IL17RC: variants seen among roughly 807,000 people sequenced by gnomAD.
IL17RC encodes the protein interleukin 17 receptor C, also known as interleukin-17 receptor C.
IL17RC carries 53 observed loss-of-function variants against 86.7 expected under a neutral mutation model. The observed-to-expected ratio is 0.61, with a 90% CI of 0.49 to 0.77. The LOEUF is 0.77. Among genes scored for constraint, IL17RC ranks in the 30% least tolerant of loss-of-function variants. The pLI, the probability that IL17RC is intolerant of heterozygous loss-of-function variation, is 0.00. For missense variants in IL17RC, 957 were observed against 940.0 expected (o/e 1.02, Z -0.24); for synonymous variants, 439 against 413.1 (o/e 1.06, Z -0.76).
chr3:9,932,545 A>T, intron 16 of IL17RC, 63 bp from the exon 17 acceptor site: 1 of 1,431,028 alleles, frequency 7.0e-7, no homozygotes, highest in Non-Finnish European at 9.9e-7. Context: ...CATTTCTGTT[A>T]AGTCTCAGTT....
chr3:9,930,833 G>A lies in IL17RC; in HGVS notation c.1339-62G>A, dbSNP rs933246578. The stretch of plus-strand genomic sequence containing the variant: ...GGAATTTGGAGATCAGGCCACCAGA[G>A]CTTGGTGAATATTGGAACACCTGGC... On this transcript the variant is annotated intron_variant, in intron 15 of 18. Transcript: ENST00000403601. The surrounding 1 kb of genome is among the most constrained non-coding windows in gnomAD (Gnocchi z 5.8). The A allele has an allele frequency of 1.3e-5, 19 of 1,437,196 alleles. 1 individual carries two copies. In the South Asian group the frequency reaches 2.1e-4, roughly 16 times the overall value. 89.0% of individuals were successfully genotyped at this position (1,437,196 alleles called of 1,614,324 possible).
chr3:9,917,651 G>A (rs2083201273), intron 1 of IL17RC, 62 bp from the exon 2 acceptor site: 3 of 1,614,002 alleles, frequency 1.9e-6, no homozygotes, highest in Non-Finnish European at 2.5e-6. Context: ...GAGGTCTTAG[G>A]CAGAGAACAG....
At position 9,930,095 on chromosome 3, in the gene IL17RC, C is replaced by A; in HGVS notation, c.1224C>A (p.Ser408=). The A allele has an allele frequency of 1.9e-6, 3 of 1,614,138 alleles. No homozygotes were observed. In the South Asian group the frequency reaches 3.3e-5, roughly 18 times the overall value. ...LETRGPQDNR[S]LCALEPSGCT... is the part of the protein sequence containing the mutation. The stretch of plus-strand genomic sequence containing the variant: ...CACGAGGCCCCCAGGACAACAGATC[C>A]CTCTGTGCCTTGGAACCCAGTGGCT... Residue 408 remains serine, a synonymous_variant, in exon 14 of 19, where the codon TCC becomes TCA. Coordinates refer to ENST00000403601, the MANE Select transcript of IL17RC (RefSeq NM_153460.4). The surrounding 1 kb of genome is among the most constrained non-coding windows in gnomAD (Gnocchi z 5.8).
Position 9,918,563 on chromosome 3 carries a change from T to C in IL17RC, c.419T>C (p.Leu140Pro), listed in dbSNP as rs2083297048. 6.2e-7 allele frequency: 1 copy of C among 1,614,228 alleles called. No individual in the cohort carries two copies. The highest frequency in any genetic ancestry group is 2.2e-5 in the East Asian group (1 of 44,892). The change falls in exon 5 of 19, where the codon CTG (leucine) becomes CCG (proline). Residue 140 changes from leucine to proline, a missense_variant. Transcript: ENST00000403601. ...TACCCTACTGCCCGCTGCGTCCTGC[T>C]GGAGGTGCAAGTGCCTGCTGCCCTT... Reference protein sequence around the residue: ...QAYPTARCVLLEVQVPAALVQ... With the variant: ...QAYPTARCVLPEVQVPAALVQ...
chr3:9,918,239 T>C, intron 3 of IL17RC, 96 bp from the exon 4 acceptor site: 1 of 1,355,514 alleles, frequency 7.4e-7, no homozygotes, highest in Non-Finnish European at 1.0e-6. Context: ...AGCCCCTGCT[T>C]CCCAGCACTG....
Position 9,918,493 on chromosome 3 carries a change from C to T in IL17RC, c.356-7C>T, listed in dbSNP as rs1337383661. 6.2e-7 allele frequency: 1 copy of T among 1,613,056 alleles called. No individual in the cohort carries two copies. The highest frequency in any genetic ancestry group is 8.5e-7 in the Non-Finnish European group (1 of 1,179,026). On this transcript the variant is annotated splice_region_variant and splice_polypyrimidine_tract_variant and intron_variant, in intron 4 of 18. Transcript: ENST00000403601. ...GGCCTGACTGACCCCTGCCCTGTTGCCCACAGCCTCTCTCCAGGCCCAAGT... is the reference window on the plus strand; with the variant it reads ...GGCCTGACTGACCCCTGCCCTGTTGTCCACAGCCTCTCTCCAGGCCCAAGT...
rs764647705 is a variant in IL17RC at position 9,933,147 on chromosome 3, G to C, written c.1717G>C (p.Glu573Gln). 7 of 1,602,168 alleles carry C rather than the reference G, an allele frequency of 4.4e-6. No homozygotes were observed. In the Admixed American group the frequency reaches 8.5e-5, roughly 19 times the overall value. ...FHAQRRQTLQ[E>Q]GGVVVLLFSP... Reference sequence around the variant, plus strand: ...CGCGCAGCGGCGCCAGACCCTGCAGGAGGGCGGCGTGGTGGTCTTGCTCTT... The same window carrying C: ...CGCGCAGCGGCGCCAGACCCTGCAGCAGGGCGGCGTGGTGGTCTTGCTCTT... The change falls in exon 19 of 19, where the codon GAG (glutamate) becomes CAG (glutamine). Residue 573 changes from glutamate to glutamine, a missense_variant. Coordinates refer to ENST00000403601, the MANE Select transcript of IL17RC (RefSeq NM_153460.4).
At position 9,917,268 on chromosome 3, in the gene IL17RC, G is replaced by GGGT; in HGVS notation, c.-46_-45insTGG. ...ACTGGGGTGTCTGCCCCCCTTGGGG[G>GGGT]GGGGCAGCACAGGGCCTCAGGCCTG... On this transcript the variant is annotated 5_prime_UTR_variant, in exon 1 of 19. Coordinates refer to ENST00000403601, the MANE Select transcript of IL17RC (RefSeq NM_153460.4). The GGGT allele has an allele frequency of 6.7e-7, 1 of 1,498,762 alleles. No homozygotes were observed. The highest frequency in any genetic ancestry group is 1.4e-5 in the African/African-American group (1 of 70,974). 92.8% of individuals were successfully genotyped at this position (1,498,762 alleles called of 1,614,324 possible). A position where few individuals can be genotyped will look rare whatever the true frequency, so the allele number is the denominator to read the frequency against.
Position 9,917,166 on chromosome 3 carries a change from T to C in IL17RC, c.-150T>C. The C allele has an allele frequency of 1.6e-6, 1 of 628,122 alleles. No homozygotes were observed. The highest frequency in any genetic ancestry group is 2.0e-5 in the South Asian group (1 of 50,634). The allele number at this position is 628,122 out of a possible 1,614,324, so 38.9% of individuals were successfully genotyped here. A position where few individuals can be genotyped will look rare whatever the true frequency, so the allele number is the denominator to read the frequency against. Reference sequence around the variant, plus strand: ...CTCCCAGGACAGAGAGTGCACAAACTACCCAGCACAGCCCCCTCCGCCCCC... The same window carrying C: ...CTCCCAGGACAGAGAGTGCACAAACCACCCAGCACAGCCCCCTCCGCCCCC... On this transcript the variant is annotated 5_prime_UTR_variant, in exon 1 of 19. Coordinates refer to ENST00000403601, the MANE Select transcript of IL17RC (RefSeq NM_153460.4).
At chr3:9,928,761 CT>C in intron 12 of IL17RC, 131 bp downstream of exon 12, 2 of 888,198 alleles carry the variant, frequency 2.3e-6, no homozygotes, top group Non-Finnish European at 3.6e-6. Flanking sequence ...CCACTGCCTA[CT>C]TTAGTAGTGC....
At chr3:9,924,177 C>A (rs543533061) in intron 8 of IL17RC, 55 bp from the exon 9 acceptor site, 16 of 1,611,080 alleles carry the variant, frequency 9.9e-6, no homozygotes, top group Admixed American at 8.4e-5. Flanking sequence ...TTGACTTTGG[C>A]CTCCTCCTCT....
At chr3:9,918,872 G>A (rs2083319188) in intron 5 of IL17RC, among the ~76,000 whole-genome samples, 1 of 152,160 alleles carries the variant, frequency 6.6e-6, no homozygotes, top group African/African-American at 2.4e-5. Flanking sequence ...GTAAAATGGG[G>A]ATGAGAATAG....
At chr3:9,925,853 T>C (rs2084014027) in intron 9 of IL17RC, among the ~76,000 whole-genome samples, 2 of 145,386 alleles carry the variant, frequency 1.4e-5, no homozygotes, top group African/African-American at 2.7e-5. Context: ...TTCTTTTATT[T>C]TCTTAAATTT....
chr3:9,923,243 G>A (rs1159690717), intron 7 of IL17RC, among the ~76,000 whole-genome samples: 1 of 149,276 alleles, frequency 6.7e-6, no homozygotes, highest in Non-Finnish European at 1.5e-5. Flanking sequence ...CTCTGCAGCA[G>A]AGTTATTAAG....
chr3:9,917,630 A>G lies in IL17RC; in HGVS notation c.106-83A>G, dbSNP rs775994750. The G allele has an allele frequency of 6.2e-7, 1 of 1,614,042 alleles. No individual in the cohort carries two copies. The highest frequency in any genetic ancestry group is 8.5e-7 in the Non-Finnish European group (1 of 1,180,000). ...GGTCTGGGAATACGGAGCCCCAGAA[A>G]AAGGTAGGTGGAGGTCTTAGGCAGA... is the stretch of plus-strand genomic sequence containing the variant. On this transcript the variant is annotated intron_variant, in intron 1 of 18. Transcript: ENST00000403601.
chr3:9,931,340 A>C (rs1575600014), intron 16 of IL17RC, among the ~76,000 whole-genome samples: 1 of 151,864 alleles, frequency 6.6e-6, no homozygotes, highest in African/African-American at 2.4e-5. Flanking sequence ...GGGTAGAGAT[A>C]CAGGGTCTTG....
intron 16 of IL17RC, among the ~76,000 whole-genome samples, chr3:9,931,470 C>CACACACACACACACACACACATATAT (rs750351615): frequency 4.6e-5 from 2 of 43,740 alleles, no homozygotes; most frequent in Non-Finnish European, 6.4e-5. Context: ...CACACACACA[C>CACACACACACACACACACACATATAT]ATATATATAT....
chr3:9,932,779 G>A, intron 17 of IL17RC, 41 bp from the exon 18 acceptor site: 1 of 1,585,588 alleles, frequency 6.3e-7, no homozygotes, highest in Non-Finnish European at 8.6e-7. Context: ...GGAAAGCGGC[G>A]GCCGAGCTCA....
At chr3:9,928,033 G>T (rs2084257969) in intron 9 of IL17RC, 133 bp from the exon 10 acceptor site, 3 of 816,566 alleles carry the variant, frequency 3.7e-6, no homozygotes. Flanking sequence ...GCACCTCCAG[G>T]TTTTGTAAAA....
Sources: allele counts gnomAD v4.1 joint callset (sites outside exome capture counted in the v4.1 genomes callset), GRCh38; gene constraint gnomAD v4.1.1; non-coding constraint Gnocchi (gnomAD v3.1); transcripts MANE v1.5; gene names NCBI Gene and HGNC (gene_info 2026-07-23, HGNC 2026-07-21).